Variants in FNDC3B observed in about 807,000 individuals in gnomAD.
FNDC3B encodes the protein fibronectin type III domain containing 3B.
Under a neutral mutation model 151.5 loss-of-function variants are expected in FNDC3B, and 12 were observed. The observed-to-expected ratio is 0.08, with a 90% CI of 0.05 to 0.13. FNDC3B has a LOEUF of 0.13. FNDC3B is among the 10% of genes least tolerant of loss of function. The pLI is 1.00. For synonymous variants in FNDC3B, 528 were observed against 549.0 expected (o/e 0.96, Z 0.54); for missense variants, 1,214 against 1,505.3 (o/e 0.81, Z 3.20).
intron 2 of FNDC3B, among the ~76,000 whole-genome samples, chr3:172,114,365 A>G (rs1720139395): frequency 6.6e-6 from 1 of 152,220 alleles, no homozygotes; most frequent in South Asian, 2.1e-4. Context: ...GTAAACTTGG[A>G]AAATGACTTA....
chr3:172,213,180 T>A (rs1725815259), intron 3 of FNDC3B, among the ~76,000 whole-genome samples: 1 of 152,232 alleles, frequency 6.6e-6, no homozygotes, highest in Admixed American at 6.5e-5. Context: ...TAGTAACATT[T>A]CTGTGCAGAC....
intron 25 of FNDC3B, among the ~76,000 whole-genome samples, chr3:172,391,354 C>T (rs1735997674): frequency 1.3e-5 from 2 of 152,140 alleles, no homozygotes; most frequent in African/African-American, 2.4e-5. Context: ...CTGGATCTAG[C>T]TCCATGTTAA....
At chr3:172,098,432 T>G (rs994216100) in intron 1 of FNDC3B, among the ~76,000 whole-genome samples, 2 of 152,182 alleles carry the variant, frequency 1.3e-5, no homozygotes, top group African/African-American at 4.8e-5. Flanking sequence ...TTAAAATAAT[T>G]TTTTGGCTTT....
At chr3:172,249,840 G>A (rs1727976613) in intron 5 of FNDC3B, among the ~76,000 whole-genome samples, 1 of 152,212 alleles carries the variant, frequency 6.6e-6, no homozygotes, top group Non-Finnish European at 1.5e-5. Flanking sequence ...TATGTTAACA[G>A]TAAGAAACAG....
intron 1 of FNDC3B, among the ~76,000 whole-genome samples, chr3:172,100,601 T>C (rs1314392048): frequency 6.6e-6 from 1 of 152,176 alleles, no homozygotes; most frequent in African/African-American, 2.4e-5. Flanking sequence ...AAATAGTAAA[T>C]AGATATTCCC....
At chr3:172,249,987 G>A (rs1039868938) in intron 5 of FNDC3B, among the ~76,000 whole-genome samples, 3 of 151,932 alleles carry the variant, frequency 2.0e-5, no homozygotes, top group Admixed American at 6.6e-5. Context: ...CTTCCTTTTC[G>A]CTCTCAGAAG....
At position 172,092,140 on chromosome 3, in the gene FNDC3B, G is replaced by A. The variant is rs570387425; in HGVS notation, c.-28-20312G>A. ...GATAGTGGTTGATAATATCATCTTG[G>A]AGTAGAAGAACAGCAAACCTCCTAT... On this transcript the variant is annotated intron_variant, in intron 1 of 25. Coordinates refer to ENST00000415807, the MANE Select transcript of FNDC3B (RefSeq NM_022763.4). Among the ~76,000 whole-genome samples, 5 of 152,218 alleles carry A rather than the reference G, an allele frequency of 3.3e-5. No individual in the cohort carries two copies. In the East Asian group the frequency reaches 9.6e-4, roughly 29 times the overall value.
intron 13 of FNDC3B, 44 bp from the exon 14 acceptor site, chr3:172,333,045 A>G: frequency 7.7e-7 from 1 of 1,292,640 alleles, no homozygotes; most frequent in Non-Finnish European, 1.1e-6. Flanking sequence ...TTTAATGCCC[A>G]GAATTTTTTA....
rs142793717 is a variant in FNDC3B, at chr3:172,231,911, T to C, written c.264+4964T>C. The stretch of plus-strand genomic sequence containing the variant: ...TTTTTTTTTTTTTGAGATGGAGTCT[T>C]GCTCTGACGCCCAGGCTGGTGTGCA... On this transcript the variant is annotated intron_variant, in intron 4 of 25. Transcript: ENST00000415807. Among the ~76,000 whole-genome samples, 1,028 of 147,302 alleles carry C rather than the reference T, an allele frequency of 7.0e-3. 5 individuals are homozygous for C. The highest frequency in any genetic ancestry group is 0.01 in the Non-Finnish European group (693 of 67,202).
chr3:172,158,909 C>T (rs545204288), intron 3 of FNDC3B, among the ~76,000 whole-genome samples: 1 of 152,318 alleles, frequency 6.6e-6, no homozygotes, highest in Admixed American at 6.5e-5. Context: ...TTCCCACCTC[C>T]TCTATCAATG....
chr3:172,228,225 C>T (rs1726691717), intron 4 of FNDC3B, among the ~76,000 whole-genome samples: 1 of 152,102 alleles, frequency 6.6e-6, no homozygotes, highest in East Asian at 1.9e-4. Flanking sequence ...AGAACAGGCT[C>T]TTCCAGCAGG....
chr3:172,195,897 T>A (rs771825751), intron 3 of FNDC3B, among the ~76,000 whole-genome samples: 5 of 152,356 alleles, frequency 3.3e-5, no homozygotes, highest in Middle Eastern at 3.4e-3. Context: ...AATCCTCAGT[T>A]TCCTCAACAG....
Position 172,040,847 on chromosome 3 carries a change from C to G in FNDC3B, c.-29+1076C>G, listed in dbSNP as rs1388585756. Among the ~76,000 whole-genome samples, 3 of 152,040 alleles carry G rather than the reference C, an allele frequency of 2.0e-5. No individual in the cohort carries two copies. Among genetic ancestry groups the G allele is most frequent in the African/African-American group, 7.2e-5 (3 of 41,426 alleles). On this transcript the variant is annotated intron_variant, in intron 1 of 25. Transcript: ENST00000415807. The surrounding 1 kb of genome is among the most constrained non-coding windows in gnomAD (Gnocchi z 6.6). ...CCGGGTCCCGGCGTCCCGTGGGAAC[C>G]GGAGGACCCGGGCCCGCCGTCTCGG...
chr3:172,392,089 C>G (rs1223249970), intron 25 of FNDC3B, among the ~76,000 whole-genome samples: 1 of 152,182 alleles, frequency 6.6e-6, no homozygotes, highest in African/African-American at 2.4e-5. Flanking sequence ...GAATAGCTGG[C>G]TGTGTATGGA....
intron 1 of FNDC3B, among the ~76,000 whole-genome samples, chr3:172,047,551 A>G (rs1407358347): frequency 1.3e-5 from 2 of 152,244 alleles, no homozygotes; most frequent in East Asian, 3.8e-4. Flanking sequence ...TGCAGAATGC[A>G]TTCACTGATG....
Position 172,161,976 on chromosome 3 carries a change from AT to A in FNDC3B, c.187+28443del, listed in dbSNP as rs35592121. Among the ~76,000 whole-genome samples the A allele has an allele frequency of 2.7e-3, 376 of 138,186 alleles. 1 individual carries two copies. Among genetic ancestry groups the A allele is most frequent in the African/African-American group, 8.3e-3 (327 of 39,358 alleles). The allele number at this position is 138,186 out of a possible 152,430, so 90.7% of individuals were successfully genotyped here. ...ATTTTGTGATTGTCCTCTTAGGATA[AT>A]TTTTTTTTTTTTGGGGGGGGACAGA... On this transcript the variant is annotated intron_variant, in intron 3 of 25. Transcript: ENST00000415807.
chr3:172,116,811 C>T (rs891363566), intron 2 of FNDC3B, among the ~76,000 whole-genome samples: 1 of 152,154 alleles, frequency 6.6e-6, no homozygotes. Context: ...AGTGATCTGC[C>T]CGCCTTGGCC....
intron 21 of FNDC3B, among the ~76,000 whole-genome samples, chr3:172,351,680 A>G (rs960140161): frequency 2.6e-5 from 4 of 152,244 alleles, no homozygotes; most frequent in Admixed American, 1.3e-4. Context: ...GGTCATTAGA[A>G]TAACCAGATG....
intron 1 of FNDC3B, among the ~76,000 whole-genome samples, chr3:172,092,361 C>T (rs997520650): frequency 6.6e-6 from 1 of 152,138 alleles, no homozygotes; most frequent in Non-Finnish European, 1.5e-5. Flanking sequence ...ATTTTCTGAG[C>T]CTTAACAAAA....
Sources: allele counts gnomAD v4.1 joint callset (sites outside exome capture counted in the v4.1 genomes callset), GRCh38; gene constraint gnomAD v4.1.1; non-coding constraint Gnocchi (gnomAD v3.1); transcripts MANE v1.5; gene names NCBI Gene and HGNC (gene_info 2026-07-23, HGNC 2026-07-21).